FBXO11: variants seen among roughly 807,000 people sequenced by gnomAD.
FBXO11 encodes F-box only protein 11.
FBXO11 carries 13 observed loss-of-function variants against 117.0 expected under a neutral mutation model. The observed-to-expected ratio is 0.11, with a 90% confidence interval of 0.07 to 0.18. The LOEUF (loss-of-function observed/expected upper bound fraction) is 0.18, where lower values mean the gene tolerates loss of function less well. Among genes scored for constraint, FBXO11 ranks in the 10% least tolerant of loss-of-function variants. FBXO11 has a pLI of 1.00. For synonymous variants in FBXO11, 490 were observed against 380.5 expected, an observed-to-expected ratio of 1.29 and a Z score of -3.35; for missense variants, 767 against 1,164.4, an observed-to-expected ratio of 0.66 and a Z score of 4.97.
At chr2:47,902,336 C>G (rs112892122) in intron 1 of FBXO11, among the ~76,000 whole-genome samples, 1 of 152,204 alleles carries the variant, frequency 6.6e-6, no homozygotes, top group African/African-American at 2.4e-5. Context: ...GATAGCTGAT[C>G]ATTTCAGCTA....
Position 47,807,852 on chromosome 2 carries a change from T to C in FBXO11, c.*266A>G. 1 of 321,726 alleles carries C rather than the reference T, an allele frequency of 3.1e-6. No individual in the cohort carries two copies. The allele number at this position is 321,726 out of a possible 1,614,324, so 19.9% of individuals were successfully genotyped here. A position where few individuals can be genotyped will look rare whatever the true frequency, so the allele number is the denominator to read the frequency against. On this transcript the variant is annotated 3_prime_UTR_variant, in exon 23 of 23. Coordinates refer to ENST00000403359, the MANE Select transcript of FBXO11 (RefSeq NM_001190274.2). The stretch of plus-strand genomic sequence containing the variant: ...CACCAGCTTTTCAGAAGTTGGTATC[T>C]GTACAAAATTGCAGCTTATTTTCTT...
intron 1 of FBXO11, among the ~76,000 whole-genome samples, chr2:47,854,696 T>C (rs1016509297): frequency 1.3e-5 from 2 of 152,096 alleles, no homozygotes; most frequent in South Asian, 4.1e-4. Flanking sequence ...ACCTCCGTAA[T>C]TTCTGATTCA....
rs1674438932 is a variant in FBXO11 at position 47,857,937 on chromosome 2, A to C, written c.233-18168T>G. ...ATTATTTTGTCCTTTATATGGGCAA[A>C]TATATATATATACACACACACATAC... On this transcript the variant is annotated intron_variant, in intron 1 of 22. Transcript: ENST00000403359. Among the ~76,000 whole-genome samples, 4 of 147,088 alleles carry C rather than the reference A, an allele frequency of 2.7e-5. No homozygotes were observed. The Admixed American group carries it at 2.9e-4, about 11-fold the overall frequency.
At chr2:47,872,056 T>G (rs1302229407) in intron 1 of FBXO11, among the ~76,000 whole-genome samples, 1 of 152,218 alleles carries the variant, frequency 6.6e-6, no homozygotes, top group African/African-American at 2.4e-5. Context: ...TCTTTCACGT[T>G]TTCTTTTTCC....
chr2:47,814,909 C>A (rs192234114), intron 16 of FBXO11, among the ~76,000 whole-genome samples: 1 of 152,170 alleles, frequency 6.6e-6, no homozygotes, highest in East Asian at 1.9e-4. Context: ...GCATCTTCAA[C>A]AGGAACAGAC....
intron 11 of FBXO11, among the ~76,000 whole-genome samples, chr2:47,828,355 A>T (rs1231396610): frequency 6.6e-6 from 1 of 152,146 alleles, no homozygotes; most frequent in East Asian, 1.9e-4. Flanking sequence ...ATTCTTTATT[A>T]AATATGACAA....
intron 1 of FBXO11, chr2:47,883,431 C>G: frequency 2.6e-6 from 1 of 388,676 alleles, no homozygotes; most frequent in East Asian, 6.6e-5. Context: ...CTTTATTTCA[C>G]TCAACCTCAG....
intron 1 of FBXO11, among the ~76,000 whole-genome samples, chr2:47,878,557 A>G (rs1676188447): frequency 6.6e-6 from 1 of 151,646 alleles, no homozygotes; most frequent in Non-Finnish European, 1.5e-5. Flanking sequence ...GGGTTTCACC[A>G]TGTTGGCCAG....
At chr2:47,881,403 C>A (rs1318984426) in intron 1 of FBXO11, among the ~76,000 whole-genome samples, 1 of 151,988 alleles carries the variant, frequency 6.6e-6, no homozygotes, top group African/African-American at 2.4e-5. Context: ...TAGCTTTGTT[C>A]TAATGGTTAC....
At chr2:47,814,610 C>G (rs913452354) in intron 16 of FBXO11, among the ~76,000 whole-genome samples, 1 of 152,060 alleles carries the variant, frequency 6.6e-6, no homozygotes, top group Non-Finnish European at 1.5e-5. Context: ...AACTCCTGGG[C>G]TCAAGTGATC....
rs1049077183 is a variant in FBXO11 at position 47,824,286 on chromosome 2, G to C, written c.1399-926C>G. Among the ~76,000 whole-genome samples, 3 of 152,140 alleles carry C rather than the reference G, an allele frequency of 2.0e-5. No individual in the cohort carries two copies. In the East Asian group the frequency reaches 5.8e-4, roughly 29 times the overall value. Reference sequence around the variant, plus strand: ...GAGGACTGCTTGAGCCCTGGAGCTCGAGACCAGCCTGGGTAACAGTGAGAC... The same window carrying C: ...GAGGACTGCTTGAGCCCTGGAGCTCCAGACCAGCCTGGGTAACAGTGAGAC... On this transcript the variant is annotated intron_variant, in intron 11 of 22. Transcript: ENST00000403359.
chr2:47,819,945 A>T (rs1259133464), intron 14 of FBXO11, among the ~76,000 whole-genome samples: 2 of 152,244 alleles, frequency 1.3e-5, no homozygotes, highest in South Asian at 2.1e-4. Context: ...CAAAATTTTG[A>T]AAGTTATTAT....
intron 1 of FBXO11, among the ~76,000 whole-genome samples, chr2:47,876,932 TTCTC>T: frequency 6.6e-6 from 1 of 152,138 alleles, no homozygotes; most frequent in Non-Finnish European, 1.5e-5. Context: ...TTTTTTCCAC[TTCTC>T]TCTTACTACA....
chr2:47,897,701 CAAAAAAA>C (rs60982405), intron 1 of FBXO11, among the ~76,000 whole-genome samples: 14 of 103,146 alleles, frequency 1.4e-4, no homozygotes, highest in African/African-American at 3.7e-4. Context: ...TGTCTTAAAC[CAAAAAAA>C]AAAAAAAAAA....
chr2:47,827,180 T>C (rs947804296), intron 11 of FBXO11, among the ~76,000 whole-genome samples: 2 of 152,228 alleles, frequency 1.3e-5, no homozygotes, highest in Admixed American at 6.5e-5. Flanking sequence ...AGCCTCTACA[T>C]TGGCACAACA....
Position 47,839,401 on chromosome 2 carries a change from C to T in FBXO11, c.442+18G>A. 2.5e-6 allele frequency: 4 copies of T among 1,594,340 alleles called. No individual in the cohort carries two copies. The South Asian group carries it at 3.5e-5, about 14-fold the overall frequency. On this transcript the variant is annotated intron_variant, in intron 3 of 22. Transcript: ENST00000403359. ...AAAAATTATTTTACCCTATTTGTTA[C>T]TTTCCCACAGGAAATACCTGATAGA...
At position 47,807,920 on chromosome 2, in the gene FBXO11, C is replaced by T; in HGVS notation, c.*198G>A. 1 of 537,110 alleles carries T rather than the reference C, an allele frequency of 1.9e-6. No homozygotes were observed. Among genetic ancestry groups the T allele is most frequent in the Non-Finnish European group, 3.3e-6 (1 of 302,734 alleles). 33.3% of individuals were successfully genotyped at this position (537,110 alleles called of 1,614,324 possible). On this transcript the variant is annotated 3_prime_UTR_variant, in exon 23 of 23. Coordinates refer to ENST00000403359, the MANE Select transcript of FBXO11 (RefSeq NM_001190274.2). ...GTCTTTACACAGTAATGCTAAAACA[C>T]CCAGCTTTGAGATCCTGAGTCAATA...
chr2:47,848,058 A>G (rs1230922111), intron 1 of FBXO11, among the ~76,000 whole-genome samples: 1 of 150,330 alleles, frequency 6.7e-6, no homozygotes, highest in South Asian at 2.1e-4. Context: ...CGGGAGGTGG[A>G]GCTTGCAGTG....
intron 16 of FBXO11, among the ~76,000 whole-genome samples, chr2:47,814,899 G>A (rs1670901936): frequency 6.6e-6 from 1 of 152,124 alleles, no homozygotes; most frequent in Non-Finnish European, 1.5e-5. Flanking sequence ...TATGTTCACA[G>A]CATCTTCAAC....
Sources: gnomAD v4.1 joint callset for allele counts (sites outside exome capture counted in the v4.1 genomes callset) on GRCh38, gnomAD v4.1.1 for gene constraint, MANE v1.5 for transcripts, NCBI Gene and HGNC (gene_info 2026-07-23, HGNC 2026-07-21) for gene names.